Variants in STYK1 observed in about 807,000 individuals in gnomAD.
The protein encoded by STYK1 is tyrosine-protein kinase STYK1.
Under a neutral mutation model 48.1 loss-of-function variants are expected in STYK1, and 46 were observed. The ratio of observed to expected loss-of-function variants is 0.96; its 90% confidence interval spans 0.75 to 1.22. The LOEUF (loss-of-function observed/expected upper bound fraction) is 1.22, where lower values mean the gene tolerates loss of function less well. Among genes scored for constraint, STYK1 ranks in the 50% most tolerant of loss-of-function variants. STYK1 has a pLI of 0.00. For synonymous variants in STYK1, 188 were observed against 189.0 expected (o/e 0.99, Z 0.04); for missense variants, 527 against 521.1 (o/e 1.01, Z -0.11).
At chr12:10,655,065 C>T (rs1216608678) in intron 1 of STYK1, among the ~76,000 whole-genome samples, 1 of 152,230 alleles carries the variant, frequency 6.6e-6, no homozygotes, top group Admixed American at 6.5e-5. Context: ...GTAGAAATCA[C>T]TCTCTTGCAA....
intron 8 of STYK1, among the ~76,000 whole-genome samples, chr12:10,624,096 T>A (rs935951421): frequency 2.6e-5 from 4 of 151,926 alleles, no homozygotes; most frequent in African/African-American, 9.7e-5. Flanking sequence ...ACTTTTTTTT[T>A]TTCTAATTAA....
At chr12:10,665,204 C>G (rs1479031679) in intron 1 of STYK1, among the ~76,000 whole-genome samples, 2 of 152,186 alleles carry the variant, frequency 1.3e-5, no homozygotes, top group Non-Finnish European at 2.9e-5. Context: ...AATGAGGTAA[C>G]CATCCCATGC....
intron 1 of STYK1, among the ~76,000 whole-genome samples, chr12:10,645,462 T>C (rs1425702755): frequency 6.7e-6 from 1 of 149,470 alleles, no homozygotes; most frequent in Non-Finnish European, 1.5e-5. Context: ...AATCTCTCAT[T>C]CTAAAAAAAA....
intron 1 of STYK1, among the ~76,000 whole-genome samples, chr12:10,662,144 T>C (rs753614360): frequency 1.3e-5 from 2 of 152,208 alleles, no homozygotes; most frequent in Non-Finnish European, 2.9e-5. Context: ...GCTGGCTTCT[T>C]TTACTTGCAA....
intron 1 of STYK1, among the ~76,000 whole-genome samples, chr12:10,644,843 A>T (rs931543427): frequency 2.0e-5 from 3 of 152,194 alleles, no homozygotes; most frequent in African/African-American, 7.2e-5. Context: ...TACAGTTCTT[A>T]GGATTCATAA....
chr12:10,640,748 G>C (rs1947534736), intron 1 of STYK1: 1 of 152,110 alleles, frequency 6.6e-6, no homozygotes, highest in South Asian at 2.1e-4. Flanking sequence ...AAACATATGT[G>C]ATATACAGTT....
At chr12:10,639,263 C>T (rs911589613) in intron 1 of STYK1, among the ~76,000 whole-genome samples, 1 of 152,182 alleles carries the variant, frequency 6.6e-6, no homozygotes, top group African/African-American at 2.4e-5. Context: ...TTACCAACAT[C>T]CTATGAAACA....
intron 1 of STYK1, among the ~76,000 whole-genome samples, chr12:10,639,998 G>A (rs1325924103): frequency 1.3e-5 from 2 of 151,734 alleles, no homozygotes; most frequent in Non-Finnish European, 3.0e-5. Context: ...GGACATAGAT[G>A]ACATCTGCAT....
intron 6 of STYK1, among the ~76,000 whole-genome samples, chr12:10,629,131 G>A (rs1947391653): frequency 6.6e-6 from 1 of 152,142 alleles, no homozygotes. Context: ...CTAGTAGGAG[G>A]TGAAGCCTAA....
intron 1 of STYK1, among the ~76,000 whole-genome samples, chr12:10,663,900 G>A (rs140742970): frequency 1.3e-5 from 2 of 152,196 alleles, no homozygotes; most frequent in Non-Finnish European, 2.9e-5. Context: ...AGGATACTTG[G>A]GATGTTTTGT....
intron 4 of STYK1, among the ~76,000 whole-genome samples, chr12:10,632,766 A>G (rs969997528): frequency 6.6e-6 from 1 of 152,204 alleles, no homozygotes; most frequent in Non-Finnish European, 1.5e-5. Flanking sequence ...TGGATTAGAT[A>G]CAGACTGTGA....
chr12:10,636,395 T>C (rs991455758), intron 2 of STYK1, among the ~76,000 whole-genome samples: 1 of 152,218 alleles, frequency 6.6e-6, no homozygotes, highest in Non-Finnish European at 1.5e-5. Context: ...GAACTTCTTA[T>C]CCTTATTCTT....
At chr12:10,671,206 G>A (rs1317631107) in intron 1 of STYK1, among the ~76,000 whole-genome samples, 1 of 151,902 alleles carries the variant, frequency 6.6e-6, no homozygotes. Flanking sequence ...TTGTTAGCCA[G>A]GATGGTCTCG....
intron 7 of STYK1, among the ~76,000 whole-genome samples, chr12:10,625,357 A>G (rs111323196): frequency 3.9e-5 from 6 of 152,114 alleles, no homozygotes; most frequent in African/African-American, 1.4e-4. Context: ...AGCTGGGACT[A>G]CAGGCACCCG....
chr12:10,622,709 T>A, intron 8 of STYK1, 31 bp from the exon 9 acceptor site: 2 of 1,613,666 alleles, frequency 1.2e-6, no homozygotes, highest in Non-Finnish European at 1.7e-6. Context: ...TCTATTTAAT[T>A]TCTATTTCTG....
chr12:10,667,942 G>A (rs1412537418), intron 1 of STYK1, among the ~76,000 whole-genome samples: 1 of 152,128 alleles, frequency 6.6e-6, no homozygotes, highest in African/African-American at 2.4e-5. Context: ...CTGGGCTGAG[G>A]AGGTGAGAAC....
intron 1 of STYK1, among the ~76,000 whole-genome samples, chr12:10,658,540 T>G (rs1418275084): frequency 6.6e-6 from 1 of 152,158 alleles, no homozygotes; most frequent in Non-Finnish European, 1.5e-5. Context: ...ATTCTATGTT[T>G]CTAATAATCA....
At chr12:10,656,606 T>C (rs1021856089) in intron 1 of STYK1, among the ~76,000 whole-genome samples, 5 of 152,032 alleles carry the variant, frequency 3.3e-5, no homozygotes, top group African/African-American at 1.2e-4. Flanking sequence ...GCCTGGGCGA[T>C]AGAGTGAGAC....
intron 8 of STYK1, 81 bp from the exon 9 acceptor site, chr12:10,622,759 A>G (rs1472327376): frequency 2.6e-6 from 4 of 1,529,940 alleles, no homozygotes; most frequent in Middle Eastern, 1.8e-4. Context: ...AGAAGCCTTT[A>G]ATAAGAGCCC....
Sources: gnomAD v4.1 joint callset for allele counts (sites outside exome capture counted in the v4.1 genomes callset) on GRCh38, gnomAD v4.1.1 for gene constraint, MANE v1.5 for transcripts, NCBI Gene and HGNC (gene_info 2026-07-23, HGNC 2026-07-21) for gene names.